The following DAB1 variants were observed in gnomAD, a reference collection of about 807,000 sequenced individuals.
DAB1 encodes DAB adaptor protein 1, also known as disabled homolog 1.
DAB1 carries 15 observed loss-of-function variants against 64.6 expected under a neutral mutation model. That is an observed-to-expected ratio of 0.23 (90% CI 0.16 to 0.36). DAB1 has a LOEUF of 0.36. Among genes scored for constraint, DAB1 ranks in the 10% least tolerant of loss-of-function variants. The probability of loss-of-function intolerance (pLI) is 1.00; values close to 1 mark genes in which losing one functional copy is unlikely to be tolerated. For synonymous variants in DAB1, 235 were observed against 251.9 expected (o/e 0.93, Z 0.64); for missense variants, 596 against 706.7 (o/e 0.84, Z 1.78).
chr1:57,047,056 C>A (rs1648587967), intron 9 of DAB1, among the ~76,000 whole-genome samples: 1 of 152,154 alleles, frequency 6.6e-6, no homozygotes, highest in Admixed American at 6.5e-5. Context: ...TTCAAGAGTG[C>A]CCAGTTTGGA....
At chr1:57,023,739 T>G in intron 10 of DAB1, 100 bp from the exon 11 acceptor site, 2 of 752,288 alleles carry the variant, frequency 2.7e-6, no homozygotes, top group Non-Finnish European at 4.7e-6. Context: ...GGGGAAGGGG[T>G]CCACAGTTCA....
chr1:57,750,294 T>G (rs1305866692), intron 6 of DAB1, among the ~76,000 whole-genome samples: 2 of 152,222 alleles, frequency 1.3e-5, no homozygotes, highest in Admixed American at 6.5e-5. Context: ...CCTGCTTTAT[T>G]TCTAACCATT....
In DAB1 at chr1:57,133,424, C is replaced by A. The variant is rs189056005; in HGVS notation, c.306+3119G>T. 2.3e-3 allele frequency among the ~76,000 whole-genome samples: 348 copies of A among 152,270 alleles called. 4 individuals carry two copies. The highest frequency in any genetic ancestry group is 7.3e-3 in the African/African-American group (305 of 41,552). ...GGGACACTCACAGAACCTCACTGCCCTTATCTGCAAAATGAAGATGACATA... is the reference window on the plus strand; with the variant it reads ...GGGACACTCACAGAACCTCACTGCCATTATCTGCAAAATGAAGATGACATA... On this transcript the variant is annotated intron_variant, in intron 4 of 14. Coordinates refer to ENST00000371236, the MANE Select transcript of DAB1 (RefSeq NM_001365792.1).
upstream of DAB1, among the ~76,000 whole-genome samples, chr1:57,428,676 C>T (rs917551462): frequency 6.6e-6 from 1 of 151,976 alleles, no homozygotes; most frequent in Non-Finnish European, 1.5e-5. Flanking sequence ...CAGATATATA[C>T]CCAGAAGTGG....
intron 6 of DAB1, among the ~76,000 whole-genome samples, chr1:57,651,499 A>G (rs1369754192): frequency 6.6e-6 from 1 of 152,210 alleles, no homozygotes; most frequent in Non-Finnish European, 1.5e-5. Flanking sequence ...CAGGATATTA[A>G]TATACAGTTA....
chr1:57,668,750 C>T (rs1216104160), intron 6 of DAB1, among the ~76,000 whole-genome samples: 1 of 151,992 alleles, frequency 6.6e-6, no homozygotes, highest in African/African-American at 2.4e-5. Flanking sequence ...TGCATTTAAC[C>T]TTGAGATAAG....
chr1:57,236,681 G>T (rs986925195), intron 2 of DAB1, among the ~76,000 whole-genome samples: 2 of 152,176 alleles, frequency 1.3e-5, no homozygotes, highest in East Asian at 1.9e-4. Context: ...GCCAACAACT[G>T]ATTTTCATGT....
At chr1:57,268,737 G>A (rs1207985482) in intron 2 of DAB1, among the ~76,000 whole-genome samples, 1 of 152,206 alleles carries the variant, frequency 6.6e-6, no homozygotes, top group African/African-American at 2.4e-5. Flanking sequence ...AATTTTATGA[G>A]TGAATACAGA....
chr1:58,260,318 G>A (rs2100416556), intron 4 of DAB1, among the ~76,000 whole-genome samples: 1 of 152,274 alleles, frequency 6.6e-6, no homozygotes, highest in Admixed American at 6.5e-5. Context: ...ATAGGAAGGA[G>A]ACTAAACTGG....
At chr1:57,891,034 A>G (rs1644305288) in intron 5 of DAB1, among the ~76,000 whole-genome samples, 1 of 152,224 alleles carries the variant, frequency 6.6e-6, no homozygotes, top group Non-Finnish European at 1.5e-5. Flanking sequence ...TAAACTAAAG[A>G]GCTTCTGCAC....
At chr1:57,561,029 G>A (rs138892933) in intron 7 of DAB1, among the ~76,000 whole-genome samples, 231 of 152,286 alleles carry the variant, frequency 1.5e-3, no homozygotes, top group African/African-American at 5.2e-3. Context: ...ATCATCAAAT[G>A]GAAGTGGTAT....
At chr1:57,056,377 C>T (rs760835474) in intron 9 of DAB1, among the ~76,000 whole-genome samples, 14 of 148,244 alleles carry the variant, frequency 9.4e-5, no homozygotes, top group Admixed American at 1.3e-4. Context: ...TGGTGGTGCA[C>T]GCCTGTAGTC....
chr1:58,465,909 G>A (rs1420407557), intron 3 of DAB1, among the ~76,000 whole-genome samples: 3 of 152,242 alleles, frequency 2.0e-5, no homozygotes, highest in Non-Finnish European at 2.9e-5. Flanking sequence ...ACCACTACCC[G>A]ATGCCACCTT....
At chr1:57,544,272 C>T (rs1273293429) in intron 7 of DAB1, among the ~76,000 whole-genome samples, 5 of 152,168 alleles carry the variant, frequency 3.3e-5, no homozygotes, top group Non-Finnish European at 7.3e-5. Flanking sequence ...ATTTTAATTC[C>T]TATGGCATCC....
chr1:57,372,795 C>T (rs575937715), intron 1 of DAB1, among the ~76,000 whole-genome samples: 19 of 151,896 alleles, frequency 1.3e-4, no homozygotes, highest in Non-Finnish European at 2.8e-4. Context: ...ATACACATGG[C>T]CTTTAAGATG....
At chr1:57,135,819 G>A (rs528897267) in intron 4 of DAB1, among the ~76,000 whole-genome samples, 233 of 152,182 alleles carry the variant, frequency 1.5e-3, no homozygotes, top group African/African-American at 5.4e-3. Context: ...TATATGTGGA[G>A]GTGTTTTATA....
intron 4 of DAB1, among the ~76,000 whole-genome samples, chr1:58,218,516 G>A (rs1042115638): frequency 2.0e-5 from 3 of 152,114 alleles, no homozygotes; most frequent in Admixed American, 2.0e-4. Flanking sequence ...GCATGTGTAT[G>A]TGCAGGAGAG....
intron 1 of DAB1, among the ~76,000 whole-genome samples, chr1:57,306,653 G>C (rs1047792605): frequency 6.6e-6 from 1 of 151,094 alleles, no homozygotes; most frequent in Non-Finnish European, 1.5e-5. Context: ...ATTCATTTCT[G>C]CTTGCCAAGT....
At chr1:58,443,621 G>A (rs183696860) in intron 3 of DAB1, among the ~76,000 whole-genome samples, 30 of 152,266 alleles carry the variant, frequency 2.0e-4, no homozygotes, top group African/African-American at 6.5e-4. Context: ...TTAACCTTGC[G>A]GAAAGTCAGG....
Sources: gnomAD v4.1 joint callset for allele counts (sites outside exome capture counted in the v4.1 genomes callset) on GRCh38, gnomAD v4.1.1 for gene constraint, MANE v1.5 for transcripts, NCBI Gene and HGNC (gene_info 2026-07-23, HGNC 2026-07-21) for gene names.